Variants in EPG5 observed in about 807,000 individuals in gnomAD.
EPG5 encodes the protein ectopic P-granules 5 autophagy tethering factor.
A neutral mutation model predicts 302.7 loss-of-function variants in EPG5; 159 were observed. The observed-to-expected ratio is 0.53, with a 90% CI of 0.46 to 0.60. The LOEUF (loss-of-function observed/expected upper bound fraction) is 0.60, where lower values mean the gene tolerates loss of function less well. Among genes scored for constraint, EPG5 ranks in the 20% least tolerant of loss-of-function variants. EPG5 has a pLI of 0.00. For missense variants in EPG5, 2,896 were observed against 3,092.4 expected (o/e 0.94, Z 1.51); for synonymous variants, 1,158 against 1,136.8 (o/e 1.02, Z -0.37).
rs1277067523 is a variant in EPG5, at chr18:45,861,490, C to T, written c.6767-1144G>A. ...ACCATATCTGATCCTATCACTCTTCCGATGAAGATCTTTCCAGAACACCCT... is the reference window on the plus strand; with the variant it reads ...ACCATATCTGATCCTATCACTCTTCTGATGAAGATCTTTCCAGAACACCCT... On this transcript the variant is annotated intron_variant, in intron 39 of 43. Coordinates refer to ENST00000282041, the MANE Select transcript of EPG5 (RefSeq NM_020964.3). Among the ~76,000 whole-genome samples, 6 of 152,182 alleles carry T rather than the reference C, an allele frequency of 3.9e-5. No homozygotes were observed. In the East Asian group the frequency reaches 5.8e-4, roughly 15 times the overall value.
chr18:45,948,239 AC>A (rs1314928474), intron 6 of EPG5, among the ~76,000 whole-genome samples: 2 of 152,208 alleles, frequency 1.3e-5, no homozygotes, highest in African/African-American at 4.8e-5. Flanking sequence ...GAAACAGATC[AC>A]CTTTTTTGTC....
At position 45,847,714 on chromosome 18, in the gene EPG5, A is replaced by G. The variant is rs1339468706; in HGVS notation, c.*4753T>C. ...AAAACTTACCCTTTGTACAAGTATG[A>G]AAAATGTGGAACAATGAATAAGTAG... On this transcript the variant is annotated 3_prime_UTR_variant, in exon 44 of 44. Coordinates refer to ENST00000282041, the MANE Select transcript of EPG5 (RefSeq NM_020964.3). 1.3e-5 allele frequency: 2 copies of G among 152,600 alleles called. No individual in the cohort carries two copies. The highest frequency in any genetic ancestry group is 2.9e-5 in the Non-Finnish European group (2 of 68,040). The allele number at this position is 152,600 out of a possible 1,614,324, so 9.5% of individuals were successfully genotyped here.
At position 45,870,634 on chromosome 18, in the gene EPG5, C is replaced by G. The variant is rs1391238792; in HGVS notation, c.6158G>C (p.Ser2053Thr). The G allele has an allele frequency of 1.2e-6, 2 of 1,613,878 alleles. No homozygotes were observed. Among genetic ancestry groups the G allele is most frequent in the East Asian group, 4.5e-5 (2 of 44,882 alleles). ...CTTCCATGGCAGTTTCCGGTACGTG[C>G]TATGGAAAGCGTACAGAATGAACTC... ...MPEFILYAFH[S>T]TYRKLPWKDL... Residue 2053 changes from serine to threonine, a missense_variant, in exon 36 of 44, where the codon AGC becomes ACC. By Grantham distance (58) the Ser-to-Thr change is moderately conservative. Transcript: ENST00000282041.
rs2050620337 is a variant in EPG5 at position 45,939,717 on chromosome 18, T to C, written c.1982A>G (p.Tyr661Cys). 5 of 1,613,900 alleles carry C rather than the reference T, an allele frequency of 3.1e-6. No individual in the cohort carries two copies. The highest frequency in any genetic ancestry group is 1.7e-4 in the Middle Eastern group (1 of 5,938). ...TCCTGAGCCTTGGTTATGGCTCACA[T>C]ACTGTGCCCAATGGTCACTTACATA... Reference protein sequence around the residue: ...LGYVSDHWAQYVSHNQGSGLA... With the variant: ...LGYVSDHWAQCVSHNQGSGLA... The change falls in exon 10 of 44, where the codon TAT becomes TGT. Residue 661 changes from tyrosine to cysteine, a missense_variant. This residue lies in a region of EPG5 where 1,390 missense variants were observed against 1,430.0 expected (regional missense o/e 0.97). Coordinates refer to ENST00000282041, the MANE Select transcript of EPG5 (RefSeq NM_020964.3).
At chr18:45,902,894 A>G (rs1454121853) in intron 25 of EPG5, among the ~76,000 whole-genome samples, 2 of 152,214 alleles carry the variant, frequency 1.3e-5, no homozygotes, top group African/African-American at 2.4e-5. Flanking sequence ...TATCTGCTCA[A>G]TAGGGATAAC....
chr18:45,857,331 G>A (rs1241301426), intron 42 of EPG5, among the ~76,000 whole-genome samples: 5 of 152,002 alleles, frequency 3.3e-5, no homozygotes, highest in African/African-American at 9.7e-5. Flanking sequence ...GGCTGGTCTC[G>A]AACTCCTGAC....
the EPG5 span, among the ~76,000 whole-genome samples, chr18:45,803,167 C>T: frequency 6.6e-6 from 1 of 152,180 alleles, no homozygotes; most frequent in African/African-American, 2.4e-5. Context: ...TGAGACATTT[C>T]TCAGAGCAAT....
At chr18:45,806,341 G>A in the EPG5 span, among the ~76,000 whole-genome samples, 2 of 152,134 alleles carry the variant, frequency 1.3e-5, no homozygotes, top group Non-Finnish European at 2.9e-5. Flanking sequence ...CATGGTGGGC[G>A]GGAGGCAGGA....
the EPG5 span, among the ~76,000 whole-genome samples, chr18:45,806,936 T>C: frequency 1.3e-5 from 2 of 152,118 alleles, no homozygotes; most frequent in Admixed American, 1.3e-4. Context: ...AAAGACATAC[T>C]TGCTACTGCA....
intron 9 of EPG5, among the ~76,000 whole-genome samples, chr18:45,940,371 A>C (rs1005274567): frequency 6.6e-6 from 1 of 152,212 alleles, no homozygotes; most frequent in Admixed American, 6.5e-5. Flanking sequence ...GGAGCACAGT[A>C]GGGTCCTGGG....
At chr18:45,966,390 A>T (rs2051261964) in intron 1 of EPG5, among the ~76,000 whole-genome samples, 1 of 151,972 alleles carries the variant, frequency 6.6e-6, no homozygotes, top group South Asian at 2.1e-4. Flanking sequence ...AAAAAAAAAA[A>T]AATACATATA....
intron 22 of EPG5, 44 bp downstream of exon 22, chr18:45,912,246 G>A: frequency 6.7e-7 from 1 of 1,501,108 alleles, no homozygotes; most frequent in South Asian, 1.4e-5. Context: ...GCAGTGCAAA[G>A]GCAGAAATGG....
At chr18:45,962,611 G>A (rs1202639852) in intron 1 of EPG5, among the ~76,000 whole-genome samples, 2 of 152,236 alleles carry the variant, frequency 1.3e-5, no homozygotes, top group African/African-American at 2.4e-5. Context: ...CCTAGCAGCC[G>A]AGGTTAGCTA....
the EPG5 span, among the ~76,000 whole-genome samples, chr18:45,834,541 C>A: frequency 1.3e-5 from 2 of 152,212 alleles, no homozygotes; most frequent in Non-Finnish European, 2.9e-5. Flanking sequence ...TGGTGAGTGA[C>A]ATGGCCAGAA....
At chr18:45,899,614 A>G (rs752401291) in intron 26 of EPG5, 48 bp from the exon 27 acceptor site, 10 of 1,599,744 alleles carry the variant, frequency 6.3e-6, no homozygotes, top group Non-Finnish European at 8.6e-6. Flanking sequence ...GAAAGGTTAT[A>G]TGATAGGTGA....
At chr18:45,944,464 C>T (rs1033575586) in intron 7 of EPG5, among the ~76,000 whole-genome samples, 7 of 152,144 alleles carry the variant, frequency 4.6e-5, no homozygotes, top group African/African-American at 1.7e-4. Flanking sequence ...AATTAAAGAA[C>T]CACAGATGGG....
At chr18:45,911,077 AT>A (rs2049883932) in intron 22 of EPG5, among the ~76,000 whole-genome samples, 1 of 102,988 alleles carries the variant, frequency 9.7e-6, no homozygotes, top group Non-Finnish European at 2.0e-5. Flanking sequence ...CTATCTATCT[AT>A]ACACACACAC....
At chr18:45,867,064 G>T in intron 37 of EPG5, 57 bp from the exon 38 acceptor site, 1 of 1,303,556 alleles carries the variant, frequency 7.7e-7, no homozygotes, top group Non-Finnish European at 1.1e-6. Flanking sequence ...CCAGAAATAT[G>T]TGTTGCTAAC....
chr18:45,812,513 A>C, the EPG5 span, among the ~76,000 whole-genome samples: 2 of 152,222 alleles, frequency 1.3e-5, no homozygotes, highest in East Asian at 3.9e-4. Context: ...ACCTGACTTC[A>C]AACTATACTA....
Sources: gnomAD v4.1 joint callset for allele counts (sites outside exome capture counted in the v4.1 genomes callset) on GRCh38, gnomAD v4.1.1 for gene constraint, gnomAD v4.1.1 regional missense constraint, MANE v1.5 for transcripts, NCBI Gene and HGNC (gene_info 2026-07-23, HGNC 2026-07-21) for gene names.